The following LNPEP variants were observed in gnomAD, a reference collection of about 807,000 sequenced individuals.
LNPEP encodes the protein leucyl-cystinyl aminopeptidase.
In LNPEP, 64 loss-of-function variants were observed where a neutral mutation model predicts 120.6. The observed-to-expected ratio is 0.53, with a 90% confidence interval of 0.43 to 0.65. The LOEUF (loss-of-function observed/expected upper bound fraction) is 0.65. Ranked by LOEUF, LNPEP falls within the 30% of genes least tolerant of loss-of-function variation. LNPEP has a pLI of 0.00. For synonymous variants in LNPEP, 435 were observed against 425.4 expected, an observed-to-expected ratio of 1.02 and a Z score of -0.28; for missense variants, 1,057 against 1,200.0, an observed-to-expected ratio of 0.88 and a Z score of 1.76.
chr5:97,001,857 C>T (rs577900609), intron 8 of LNPEP, among the ~76,000 whole-genome samples: 51 of 152,106 alleles, frequency 3.4e-4, no homozygotes, highest in Non-Finnish European at 5.9e-4. Context: ...AAAATACTTC[C>T]GGCCGGGCAT....
In LNPEP at chr5:97,033,768, T is replaced by C. The variant is rs1791517801; in HGVS notation, c.*5235T>C. On this transcript the variant is annotated 3_prime_UTR_variant, in exon 18 of 18. Coordinates refer to ENST00000231368, the MANE Select transcript of LNPEP (RefSeq NM_005575.3). ...GTGTTGGGGTATATACTTTTGTATA[T>C]GTATGTACATATTTTTATTTCTTTA... 6.6e-6 allele frequency: 1 copy of C among 152,172 alleles called. No homozygotes were observed. Among genetic ancestry groups the C allele is most frequent in the Admixed American group, 6.5e-5 (1 of 15,268 alleles). The allele number at this position is 152,172 out of a possible 1,614,324, so 9.4% of individuals were successfully genotyped here.
chr5:97,001,475 T>C (rs1790647767), intron 8 of LNPEP, among the ~76,000 whole-genome samples: 1 of 152,120 alleles, frequency 6.6e-6, no homozygotes. Context: ...GATATCCAAA[T>C]GGAGATACCA....
In LNPEP at chr5:97,028,430, A is replaced by G; in HGVS notation, c.2975A>G (p.Glu992Gly). ...EVQAFFENQS[E>G]ATFRLRCVQE... ...CAGGCATTCTTTGAAAATCAGTCAG[A>G]GGCAACCTTCCGGCTTCGTTGTGTC... The change falls in exon 18 of 18, where the codon GAG becomes GGG. Residue 992 changes from glutamate to glycine, a missense_variant. Coordinates refer to ENST00000231368, the MANE Select transcript of LNPEP (RefSeq NM_005575.3). 6.2e-7 allele frequency: 1 copy of G among 1,613,960 alleles called. No individual in the cohort carries two copies. The highest frequency in any genetic ancestry group is 8.5e-7 in the Non-Finnish European group (1 of 1,179,818).
intron 2 of LNPEP, among the ~76,000 whole-genome samples, chr5:96,982,222 A>G (rs547844833): frequency 2.0e-5 from 3 of 152,264 alleles, no homozygotes; most frequent in Admixed American, 2.0e-4. Flanking sequence ...CTTCACCACC[A>G]TGGTGCACTG....
Position 96,979,385 on chromosome 5 carries a change from G to A in LNPEP, c.267G>A (p.Arg89=). ...TCATGAATAGAAGCTCAGGCCTTCGGAACAGTGCAACTGGTTACAGGCAGA... is the reference window on the plus strand; with the variant it reads ...TCATGAATAGAAGCTCAGGCCTTCGAAACAGTGCAACTGGTTACAGGCAGA... ...MSFMNRSSGL[R]NSATGYRQSP... is the part of the protein sequence containing the mutation. The change falls in exon 2 of 18, where the codon CGG becomes CGA. Residue 89 remains arginine (R), a synonymous_variant. Transcript: ENST00000231368. 6.2e-7 allele frequency: 1 copy of A among 1,614,074 alleles called. No individual in the cohort carries two copies. Among genetic ancestry groups the A allele is most frequent in the Non-Finnish European group, 8.5e-7 (1 of 1,179,974 alleles).
chr5:97,017,692 T>C (rs144731906), intron 13 of LNPEP, among the ~76,000 whole-genome samples: 76 of 152,238 alleles, frequency 5.0e-4, no homozygotes, highest in Admixed American at 2.0e-3. Flanking sequence ...ATGTTTGAGG[T>C]AATTAGTATG....
At chr5:96,974,089 C>T (rs1789935621) in intron 1 of LNPEP, among the ~76,000 whole-genome samples, 1 of 152,102 alleles carries the variant, frequency 6.6e-6, no homozygotes, top group Non-Finnish European at 1.5e-5. Context: ...TAGACCTGGG[C>T]TGGTAAGAAG....
chr5:97,006,046 T>TTATATATATATATATATATATATA (rs3839297), intron 9 of LNPEP, 27 bp from the exon 10 acceptor site: 1 of 656,080 alleles, frequency 1.5e-6, no homozygotes, highest in East Asian at 5.5e-5. Context: ...GGAAAAAGTT[T>TTATATATATATATATATATATATA]TATATATATA....
At chr5:97,000,727 T>A (rs79246998) in intron 8 of LNPEP, among the ~76,000 whole-genome samples, 2,211 of 152,326 alleles carry the variant, frequency 0.015, 51 homozygotes, top group South Asian at 0.088. Flanking sequence ...CTTTGTCCCA[T>A]GCATCTTTTT....
chr5:96,968,510 T>G (rs1789781363), intron 1 of LNPEP, among the ~76,000 whole-genome samples: 1 of 152,050 alleles, frequency 6.6e-6, no homozygotes, highest in African/African-American at 2.4e-5. Flanking sequence ...CAGGGCCCAT[T>G]TAAGGATTTC....
Position 96,979,493 on chromosome 5 carries a change from C to A in LNPEP, c.375C>A (p.Ile125=). 6.2e-7 allele frequency: 1 copy of A among 1,614,054 alleles called. No homozygotes were observed. The highest frequency in any genetic ancestry group is 8.5e-7 in the Non-Finnish European group (1 of 1,179,968). The change falls in exon 2 of 18, where the codon ATC becomes ATA. Residue 125 remains isoleucine (I), a synonymous_variant. Transcript: ENST00000231368. The part of the protein sequence containing the change: ...AFVIVVAVSV[I]MVIYLLPRCT... ...TCATCGTGGTTGCTGTTTCTGTAAT[C>A]ATGGTGATTTACTTACTGCCCAGAT...
chr5:96,977,767 T>G (rs1268572026), intron 1 of LNPEP, among the ~76,000 whole-genome samples: 1 of 152,204 alleles, frequency 6.6e-6, no homozygotes, highest in African/African-American at 2.4e-5. Context: ...ATTCAGTAGT[T>G]TTTTGTAAGC....
chr5:96,985,435 G>C (rs73135424), intron 3 of LNPEP, among the ~76,000 whole-genome samples: 6,172 of 152,224 alleles, frequency 0.041, 411 homozygotes, highest in African/African-American at 0.14. Flanking sequence ...TGCTGGACTT[G>C]GAATGTGTGG....
At position 97,035,507 on chromosome 5, in the gene LNPEP, T is replaced by C. The variant is rs888317838; in HGVS notation, c.*6974T>C. 1.3e-5 allele frequency: 2 copies of C among 152,174 alleles called. No individual in the cohort carries two copies. The highest frequency in any genetic ancestry group is 4.8e-5 in the African/African-American group (2 of 41,450). 9.4% of individuals were successfully genotyped at this position (152,174 alleles called of 1,614,324 possible). On this transcript the variant is annotated 3_prime_UTR_variant, in exon 18 of 18. Transcript: ENST00000231368. ...TCTTTTGCATGGCTATGTAGGGACC[T>C]AATGAAAGTCGAGTTTCATAATATG...
At chr5:96,954,783 T>A (rs1299568421) in intron 1 of LNPEP, among the ~76,000 whole-genome samples, 6 of 80,244 alleles carry the variant, frequency 7.5e-5, no homozygotes, top group African/African-American at 1.5e-4. Flanking sequence ...TTTTTTTTTT[T>A]TTTTTTTTTT....
At chr5:96,985,909 G>A (rs1790232212) in intron 3 of LNPEP, among the ~76,000 whole-genome samples, 1 of 152,078 alleles carries the variant, frequency 6.6e-6, no homozygotes, top group African/African-American at 2.4e-5. Context: ...TCTGTAACAA[G>A]ACAGCACTGT....
At chr5:96,949,348 T>C (rs912897434) in intron 1 of LNPEP, among the ~76,000 whole-genome samples, 2 of 152,220 alleles carry the variant, frequency 1.3e-5, no homozygotes, top group Non-Finnish European at 2.9e-5. Flanking sequence ...TAGAGTCCCA[T>C]AGGAGCATGA....
intron 9 of LNPEP, 130 bp downstream of exon 9, chr5:97,003,676 A>G: frequency 2.0e-6 from 1 of 497,590 alleles, no homozygotes; most frequent in East Asian, 3.3e-5. Flanking sequence ...GGGGGGATGG[A>G]GCTTGCTATA....
At chr5:96,954,934 C>T (rs1206188243) in intron 1 of LNPEP, among the ~76,000 whole-genome samples, 9 of 149,644 alleles carry the variant, frequency 6.0e-5, no homozygotes, top group African/African-American at 2.2e-4. Context: ...CGGCGCCTGC[C>T]ACCACGCCCG....
Sources: gnomAD v4.1 joint callset for allele counts (sites outside exome capture counted in the v4.1 genomes callset) on GRCh38, gnomAD v4.1.1 for gene constraint, MANE v1.5 for transcripts, NCBI Gene and HGNC (gene_info 2026-07-23, HGNC 2026-07-21) for gene names.